The following HLF variants were observed in gnomAD, a reference collection of about 807,000 sequenced individuals.
The protein encoded by HLF is hepatic leukemia factor.
A neutral mutation model predicts 22.6 loss-of-function variants in HLF; 3 were observed. That is an observed-to-expected ratio of 0.13 (90% CI 0.06 to 0.34). The LOEUF is 0.34. HLF is among the 10% of genes least tolerant of loss of function. The probability of loss-of-function intolerance (pLI) is 1.00; values close to 1 mark genes in which losing one functional copy is unlikely to be tolerated. For missense variants in HLF, 299 were observed against 389.2 expected (o/e 0.77, Z 1.95); for synonymous variants, 151 against 151.8 (o/e 0.99, Z 0.04).
chr17:55,276,184 G>A (rs760358715), intron 2 of HLF, among the ~76,000 whole-genome samples: 11 of 152,224 alleles, frequency 7.2e-5, no homozygotes, highest in South Asian at 2.1e-4. Context: ...CCCAGAAATA[G>A]CATCTGTTTT....
At position 55,320,086 on chromosome 17, in the gene HLF, A is replaced by G. The variant is rs930234209; in HGVS notation, c.673-578A>G. 7.9e-5 allele frequency among the ~76,000 whole-genome samples: 12 copies of G among 152,278 alleles called. No homozygotes were observed. The highest frequency in any genetic ancestry group is 2.6e-4 in the Admixed American group (4 of 15,304). On this transcript the variant is annotated intron_variant, in intron 3 of 3. Transcript: ENST00000226067. This position sits in a 1 kb window ranked among gnomAD's most constrained non-coding sequence, Gnocchi z 4.2. ...CGTGGTTGTTAAATCTCCTATGCAT[A>G]GTTTTTCCTCATTTTTTCTACTGCA...
chr17:55,274,905 CT>C (rs1216404926), intron 2 of HLF, among the ~76,000 whole-genome samples: 6 of 152,196 alleles, frequency 3.9e-5, no homozygotes, highest in Admixed American at 3.9e-4. Flanking sequence ...AGTCTTGATA[CT>C]TTTCCCTTCC....
intron 2 of HLF, chr17:55,272,224 C>A (rs1282919110): frequency 6.6e-6 from 1 of 152,146 alleles, no homozygotes; most frequent in African/African-American, 2.4e-5. Context: ...CCTGGAGGGA[C>A]GAATATGTGC....
intron 2 of HLF, among the ~76,000 whole-genome samples, chr17:55,280,511 G>C (rs1182459095): frequency 6.6e-6 from 1 of 152,216 alleles, no homozygotes; most frequent in Admixed American, 6.5e-5. Flanking sequence ...GATCTTGAGT[G>C]GGTAAGGGTG....
chr17:55,311,799 T>A (rs1200148535), intron 2 of HLF, among the ~76,000 whole-genome samples: 1 of 152,172 alleles, frequency 6.6e-6, no homozygotes, highest in African/African-American at 2.4e-5. Flanking sequence ...ACCTAATAGA[T>A]CCTTTTCACA....
chr17:55,313,351 G>GGTGTGTGTGT (rs1248035425), intron 2 of HLF, among the ~76,000 whole-genome samples: 46 of 132,796 alleles, frequency 3.5e-4, no homozygotes, highest in Middle Eastern at 3.6e-3. Flanking sequence ...TAGAGGAGGA[G>GGTGTGTGTGT]GTGTGTGCGT....
In HLF at chr17:55,323,513, TAAA is replaced by T. The variant is rs1905336700; in HGVS notation, c.*2637_*2639del. 2 of 217,970 alleles carry T rather than the reference TAAA, an allele frequency of 9.2e-6. No individual in the cohort carries two copies. The highest frequency in any genetic ancestry group is 4.5e-5 in the African/African-American group (2 of 44,476). The allele number at this position is 217,970 out of a possible 1,614,324, so 13.5% of individuals were successfully genotyped here. Reference sequence around the variant, plus strand: ...CTCAAATGTTTTCTGCAGAAAAAAATAAAAAGATTCTAATAAAATGTATTCTCT... The same window carrying T: ...CTCAAATGTTTTCTGCAGAAAAAAATAAGATTCTAATAAAATGTATTCTCT... On this transcript the variant is annotated 3_prime_UTR_variant, in exon 4 of 4. Transcript: ENST00000226067.
chr17:55,265,620 G>C, intron 1 of HLF, 21 bp downstream of exon 1: 9 of 1,527,342 alleles, frequency 5.9e-6, no homozygotes, highest in Non-Finnish European at 7.2e-6. Context: ...CCGCGGCCCC[G>C]CTCCGGGAAG....
At chr17:55,270,359 T>C (rs1598386121) in intron 2 of HLF, among the ~76,000 whole-genome samples, 1 of 152,166 alleles carries the variant, frequency 6.6e-6, no homozygotes. Flanking sequence ...CAAACTCAGG[T>C]AAAATAACAC....
In HLF at chr17:55,321,705, A is replaced by T; in HGVS notation, c.*826A>T. On this transcript the variant is annotated 3_prime_UTR_variant, in exon 4 of 4. Transcript: ENST00000226067. ...TTTCACTGTCTTTTAAAAAACAAAA[A>T]GTAAAGTAATGCATTTGAGCATGGC... is the stretch of plus-strand genomic sequence containing the variant. 4.4e-6 allele frequency: 1 copy of T among 229,712 alleles called. No individual in the cohort carries two copies. The highest frequency in any genetic ancestry group is 8.6e-6 in the Non-Finnish European group (1 of 115,658). 14.2% of individuals were successfully genotyped at this position (229,712 alleles called of 1,614,324 possible). A position where few individuals can be genotyped will look rare whatever the true frequency, so the allele number is the denominator to read the frequency against.
At chr17:55,286,939 T>C (rs4794559) in intron 2 of HLF, among the ~76,000 whole-genome samples, 26,669 of 152,136 alleles carry the variant, frequency 0.18, 2,720 homozygotes, top group East Asian at 0.34. Context: ...CCTGCCAGTC[T>C]GTGGGTACAG....
chr17:55,281,036 C>CG (rs1174700149), intron 2 of HLF, among the ~76,000 whole-genome samples: 1 of 152,156 alleles, frequency 6.6e-6, no homozygotes, highest in Non-Finnish European at 1.5e-5. Context: ...GCATGGGTCA[C>CG]GCTTGATACA....
chr17:55,265,571 G>A lies in HLF; in HGVS notation c.87G>A (p.Pro29=), dbSNP rs1030829384. The change falls in exon 1 of 4, where the codon CCG becomes CCA. Residue 29 remains proline, a synonymous_variant. Coordinates refer to ENST00000226067, the MANE Select transcript of HLF (RefSeq NM_002126.5). ...TGCTCAGGTCCCTGCTGGAGAACCCGCTGAAGCTCCCCCTTCACCACGAAG... is the reference window on the plus strand; with the variant it reads ...TGCTCAGGTCCCTGCTGGAGAACCCACTGAAGCTCCCCCTTCACCACGAAG... ...YGVLRSLLEN[P]LKLPLHHEDA... is the part of the protein sequence containing the mutation. The A allele has an allele frequency of 1.9e-6, 3 of 1,603,742 alleles. No individual in the cohort carries two copies. Among genetic ancestry groups the A allele is most frequent in the African/African-American group, 1.4e-5 (1 of 73,910 alleles).
At chr17:55,296,265 A>C (rs1051764225) in intron 2 of HLF, among the ~76,000 whole-genome samples, 1 of 152,228 alleles carries the variant, frequency 6.6e-6, no homozygotes, top group African/African-American at 2.4e-5. Flanking sequence ...TTGGCCTCAC[A>C]TGAGAATTAC....
chr17:55,311,093 G>A (rs564356661), intron 2 of HLF, among the ~76,000 whole-genome samples: 3 of 152,012 alleles, frequency 2.0e-5, no homozygotes, highest in South Asian at 2.1e-4. Flanking sequence ...TATTTAAAAC[G>A]GTAACTTTAA....
chr17:55,297,746 T>C (rs996806727), intron 2 of HLF, among the ~76,000 whole-genome samples: 9 of 135,034 alleles, frequency 6.7e-5, no homozygotes, highest in South Asian at 5.3e-4. Context: ...TTCTTTTTTT[T>C]TTTTTTTTTT....
chr17:55,314,821 C>G (rs1482688174), intron 2 of HLF, among the ~76,000 whole-genome samples: 1 of 152,232 alleles, frequency 6.6e-6, no homozygotes, highest in Non-Finnish European at 1.5e-5. Context: ...ATCCCAACAT[C>G]TGTACTCTCC....
chr17:55,285,827 T>A (rs979637038), intron 2 of HLF, among the ~76,000 whole-genome samples: 2 of 152,208 alleles, frequency 1.3e-5, no homozygotes, highest in African/African-American at 4.8e-5. Context: ...GTTAGAGAAG[T>A]GTTGTTTGCC....
chr17:55,277,935 G>T (rs2145310220), intron 2 of HLF, among the ~76,000 whole-genome samples: 1 of 152,114 alleles, frequency 6.6e-6, no homozygotes, highest in Middle Eastern at 3.4e-3. Context: ...CTAAAATGTT[G>T]GTTTTCCTTC....
Sources: gnomAD v4.1 joint callset for allele counts (sites outside exome capture counted in the v4.1 genomes callset) on GRCh38, gnomAD v4.1.1 for gene constraint, Gnocchi (gnomAD v3.1) non-coding constraint, MANE v1.5 for transcripts, NCBI Gene and HGNC (gene_info 2026-07-23, HGNC 2026-07-21) for gene names.